The following PRICKLE2 variants were observed in gnomAD, a reference collection of about 807,000 sequenced individuals.
The protein encoded by PRICKLE2 is prickle-like protein 2.
In PRICKLE2, 21 loss-of-function variants were observed where a neutral mutation model predicts 81.4. That is an observed-to-expected ratio of 0.26 (90% CI 0.18 to 0.37). PRICKLE2 has a LOEUF of 0.37. Among genes scored for constraint, PRICKLE2 ranks in the 10% least tolerant of loss-of-function variants. The pLI, the probability that PRICKLE2 is intolerant of heterozygous loss-of-function variation, is 1.00. For synonymous variants in PRICKLE2, 456 were observed against 421.5 expected, an observed-to-expected ratio of 1.08 and a Z score of -1.00; for missense variants, 940 against 1,109.0, an observed-to-expected ratio of 0.85 and a Z score of 2.16.
rs946224417 is a variant in PRICKLE2 at position 64,155,222 on chromosome 3, T to C, written c.601-1854A>G. Among the ~76,000 whole-genome samples, 192 of 148,824 alleles carry C rather than the reference T, an allele frequency of 1.3e-3. 1 individual carries two copies. The highest frequency in any genetic ancestry group is 3.5e-3 in the Middle Eastern group (1 of 284). On this transcript the variant is annotated intron_variant, in intron 5 of 7. Coordinates refer to ENST00000638394, the MANE Select transcript of PRICKLE2 (RefSeq NM_198859.4). ...AGTCAAAAAATTTAAATTAAAAAAA[T>C]TTTTTCAGACATTTCTCTGAAAAAG...
chr3:64,145,699 A>G (rs56087541), intron 7 of PRICKLE2: 18,749 of 151,768 alleles, frequency 0.12, 1,289 homozygotes, highest in East Asian at 0.3. Flanking sequence ...CCCTGGTGAG[A>G]AACAGGTTCA....
chr3:64,152,016 C>T (rs992410757), intron 6 of PRICKLE2, among the ~76,000 whole-genome samples: 4 of 152,158 alleles, frequency 2.6e-5, no homozygotes, highest in South Asian at 2.1e-4. Context: ...GACAAAGCAC[C>T]GTTGAGCACA....
chr3:64,175,458 T>C (rs558778904), intron 2 of PRICKLE2, among the ~76,000 whole-genome samples: 69 of 152,320 alleles, frequency 4.5e-4, no homozygotes, highest in African/African-American at 1.7e-3. Context: ...TTCTTGGCCT[T>C]ATTTGAATAT....
intron 7 of PRICKLE2, among the ~76,000 whole-genome samples, chr3:64,138,037 T>C (rs2077303900): frequency 6.6e-6 from 1 of 152,012 alleles, no homozygotes; most frequent in African/African-American, 2.4e-5. Flanking sequence ...ATAGCTGAAA[T>C]ACATAATGGG....
chr3:64,142,149 G>T (rs927393741), intron 7 of PRICKLE2, among the ~76,000 whole-genome samples: 8 of 152,026 alleles, frequency 5.3e-5, no homozygotes, highest in South Asian at 2.1e-4. Flanking sequence ...GAATGATGAA[G>T]CTGTGCTTAG....
rs1306555274 is a variant in PRICKLE2, at chr3:64,150,535, CCCTCCTTCTTCCT to C, written c.787+2634_787+2646del. Among the ~76,000 whole-genome samples, 8 of 152,282 alleles carry C rather than the reference CCCTCCTTCTTCCT, an allele frequency of 5.3e-5. No homozygotes were observed. In the East Asian group the frequency reaches 1.5e-3, roughly 29 times the overall value. On this transcript the variant is annotated intron_variant, in intron 6 of 7. Coordinates refer to ENST00000638394, the MANE Select transcript of PRICKLE2 (RefSeq NM_198859.4). The stretch of plus-strand genomic sequence containing the variant: ...GCTCTGTCTCTCCTGCCCTCTCCCA[CCCTCCTTCTTCCT>C]CCTCCTTCTTCTCACTCCCTTTCTC...
chr3:64,212,661 A>T (rs548142043), intron 1 of PRICKLE2, among the ~76,000 whole-genome samples: 2 of 152,328 alleles, frequency 1.3e-5, no homozygotes, highest in Middle Eastern at 6.8e-3. Flanking sequence ...TTCTGTGGTT[A>T]CCATAACTTG....
intron 7 of PRICKLE2, among the ~76,000 whole-genome samples, chr3:64,140,871 A>G (rs1172536709): frequency 6.6e-6 from 1 of 152,164 alleles, no homozygotes; most frequent in Non-Finnish European, 1.5e-5. Context: ...CACAGGAGAG[A>G]AAATGCCTAT....
At chr3:64,178,980 T>TTTCC (rs1165946070) in intron 2 of PRICKLE2, among the ~76,000 whole-genome samples, 5 of 115,016 alleles carry the variant, frequency 4.3e-5, no homozygotes, top group Non-Finnish European at 9.1e-5. Flanking sequence ...TCTTTCTTTC[T>TTTCC]TTCTTTCTTT....
chr3:64,191,087 C>G (rs929734339), intron 2 of PRICKLE2, among the ~76,000 whole-genome samples: 3 of 151,840 alleles, frequency 2.0e-5, no homozygotes, highest in African/African-American at 7.3e-5. Context: ...ATAACAATCC[C>G]ACAGCAGAAG....
intron 7 of PRICKLE2, among the ~76,000 whole-genome samples, chr3:64,110,528 G>A (rs111880166): frequency 6.2e-4 from 95 of 152,202 alleles, no homozygotes; most frequent in African/African-American, 2.2e-3. Flanking sequence ...ATAATCACTA[G>A]GAAGGAAATA....
intron 1 of PRICKLE2, among the ~76,000 whole-genome samples, chr3:64,222,472 G>A (rs1268740470): frequency 2.6e-5 from 4 of 152,172 alleles, no homozygotes; most frequent in Non-Finnish European, 5.9e-5. Flanking sequence ...GGGAGGAAAG[G>A]GAGAAACAGC....
At chr3:64,118,390 A>G (rs2076972185) in intron 7 of PRICKLE2, among the ~76,000 whole-genome samples, 1 of 152,198 alleles carries the variant, frequency 6.6e-6, no homozygotes, top group Non-Finnish European at 1.5e-5. Flanking sequence ...AAAAGAAACT[A>G]TCAATGGAGT....
At position 64,092,392 on chromosome 3, in the gene PRICKLE2, GTAAACTCCTTTAA is replaced by G. The variant is rs2076521170; in HGVS notation, c.*6646_*6658del. On this transcript the variant is annotated 3_prime_UTR_variant, in exon 8 of 8. Transcript: ENST00000638394. ...TCTTGCCTAGTTGAAAGTAAAGTTT[GTAAACTCCTTTAA>G]GGTAGGGATTTTTGTTTGTTTTGCA... The G allele has an allele frequency of 6.6e-6, 1 of 152,214 alleles. No individual in the cohort carries two copies. The allele number at this position is 152,214 out of a possible 1,614,324, so 9.4% of individuals were successfully genotyped here. A position where few individuals can be genotyped will look rare whatever the true frequency, so the allele number is the denominator to read the frequency against.
At chr3:64,200,500 G>C (rs1443377835) in intron 1 of PRICKLE2, 1 of 152,098 alleles carries the variant, frequency 6.6e-6, no homozygotes, top group Non-Finnish European at 1.5e-5. Flanking sequence ...TGTTTCCCAG[G>C]ATGGAGTGCA....
chr3:64,146,797 T>C (rs1267046453), intron 7 of PRICKLE2, 33 bp downstream of exon 7: 1 of 1,612,770 alleles, frequency 6.2e-7, no homozygotes, highest in East Asian at 2.2e-5. Context: ...GACTACCCCC[T>C]TTCTATCTGT....
At chr3:64,112,720 G>A (rs2106954816) in intron 7 of PRICKLE2, among the ~76,000 whole-genome samples, 1 of 152,236 alleles carries the variant, frequency 6.6e-6, no homozygotes, top group Middle Eastern at 3.4e-3. Flanking sequence ...AGAGTAAATA[G>A]ACAACCCACA....
At chr3:64,113,257 G>C (rs935555620) in intron 7 of PRICKLE2, among the ~76,000 whole-genome samples, 4 of 152,176 alleles carry the variant, frequency 2.6e-5, no homozygotes, top group African/African-American at 9.7e-5. Context: ...CATTCCCCTA[G>C]ACTCAACTTG....
intron 7 of PRICKLE2, among the ~76,000 whole-genome samples, chr3:64,125,470 T>C (rs1006855303): frequency 2.0e-5 from 3 of 152,164 alleles, no homozygotes; most frequent in African/African-American, 7.2e-5. Context: ...TCAATCAATG[T>C]GTCAAACTTC....
Sources: gnomAD v4.1 joint callset for allele counts (sites outside exome capture counted in the v4.1 genomes callset) on GRCh38, gnomAD v4.1.1 for gene constraint, MANE v1.5 for transcripts, NCBI Gene and HGNC (gene_info 2026-07-23, HGNC 2026-07-21) for gene names.